ROS1: variants seen among roughly 807,000 people sequenced by gnomAD.
The protein encoded by ROS1 is ROS proto-oncogene 1, receptor tyrosine kinase.
Under a neutral mutation model 273.5 loss-of-function variants are expected in ROS1, and 263 were observed. The observed-to-expected ratio is 0.96, with a 90% confidence interval of 0.87 to 1.06. The LOEUF is 1.06. Among genes scored for constraint, ROS1 ranks in the 50% least tolerant of loss-of-function variants. The pLI is 0.00. For synonymous variants in ROS1, 1,008 were observed against 954.1 expected (o/e 1.06, Z -1.04); for missense variants, 2,833 against 2,751.1 (o/e 1.03, Z -0.67).
At chr6:117,337,704 G>A (rs1376276741) in intron 31 of ROS1, among the ~76,000 whole-genome samples, 5 of 152,162 alleles carry the variant, frequency 3.3e-5, no homozygotes, top group African/African-American at 1.2e-4. Flanking sequence ...GACAATGATG[G>A]ATCAAAACAA....
At chr6:117,404,005 G>A (rs34258179) in intron 6 of ROS1, among the ~76,000 whole-genome samples, 8,977 of 152,272 alleles carry the variant, frequency 0.059, 321 homozygotes, top group Middle Eastern at 0.092. Flanking sequence ...GGGAGGCCGA[G>A]GCGGGCGGAT....
At position 117,341,492 on chromosome 6, in the gene ROS1, G is replaced by A. The variant is rs1408672277; in HGVS notation, c.4792C>T (p.Pro1598Ser). The change falls in exon 30 of 44, where the codon CCT (proline) becomes TCT (serine). Residue 1598 changes from proline to serine, a missense_variant. By Grantham distance (74) the Pro-to-Ser change is moderately conservative (BLOSUM62 -1). Coordinates refer to ENST00000368507, the MANE Select transcript of ROS1 (RefSeq NM_001378902.1). ...QLAISHLALI[P>S]ETPLRQSEFP... The stretch of plus-strand genomic sequence containing the variant: ...TCACTTTGTCTTAGAGGAGTTTCAG[G>A]AATTAGGGCCAGGTGTGAGATTGCC... 1.2e-6 allele frequency: 2 copies of A among 1,613,738 alleles called. No individual in the cohort carries two copies. Among genetic ancestry groups the A allele is most frequent in the Admixed American group, 1.7e-5 (1 of 59,970 alleles).
chr6:117,311,767 G>A (rs1457126091), intron 39 of ROS1, among the ~76,000 whole-genome samples: 2 of 152,080 alleles, frequency 1.3e-5, no homozygotes, highest in African/African-American at 4.8e-5. Context: ...ACTTGAGCCT[G>A]TACTGGTTGC....
At chr6:117,401,403 G>A (rs1773919554) in intron 7 of ROS1, among the ~76,000 whole-genome samples, 1 of 152,168 alleles carries the variant, frequency 6.6e-6, no homozygotes, top group South Asian at 2.1e-4. Context: ...ATGGCCCTGT[G>A]CGACCAAGTC....
chr6:117,373,552 G>A (rs1353415850), intron 18 of ROS1, among the ~76,000 whole-genome samples: 1 of 152,228 alleles, frequency 6.6e-6, no homozygotes, highest in East Asian at 1.9e-4. Context: ...ACTGCCCGGG[G>A]CTGGTGGCAC....
At chr6:117,292,152 A>G (rs1306574166) in intron 43 of ROS1, among the ~76,000 whole-genome samples, 1 of 151,826 alleles carries the variant, frequency 6.6e-6, no homozygotes, top group Non-Finnish European at 1.5e-5. Context: ...TCTATTTTTT[A>G]GTAGAGACGC....
At chr6:117,300,885 C>T in intron 43 of ROS1, 89 bp downstream of exon 43, 2 of 1,032,110 alleles carry the variant, frequency 1.9e-6, no homozygotes, top group Non-Finnish European at 2.7e-6. Flanking sequence ...TTTTGCCTAC[C>T]CCAAAATGCT....
At chr6:117,393,736 A>C (rs902321442) in intron 11 of ROS1, among the ~76,000 whole-genome samples, 12 of 152,108 alleles carry the variant, frequency 7.9e-5, no homozygotes, top group African/African-American at 2.7e-4. Context: ...ACCAACAACA[A>C]CAACAAAAAA....
chr6:117,303,477 T>C (rs1219018863), intron 42 of ROS1, among the ~76,000 whole-genome samples: 1 of 151,918 alleles, frequency 6.6e-6, no homozygotes, highest in African/African-American at 2.4e-5. Flanking sequence ...GAACTACAAG[T>C]GGGGAAAGCA....
At chr6:117,320,461 T>C (rs1776215622) in intron 36 of ROS1, among the ~76,000 whole-genome samples, 1 of 152,096 alleles carries the variant, frequency 6.6e-6, no homozygotes, top group Non-Finnish European at 1.5e-5. Flanking sequence ...TAAAACAAAA[T>C]TTACTATGAC....
chr6:117,297,122 A>T (rs185042330), intron 43 of ROS1, among the ~76,000 whole-genome samples: 1 of 152,296 alleles, frequency 6.6e-6, no homozygotes, highest in Non-Finnish European at 1.5e-5. Context: ...TACTGGGGAG[A>T]AAAACACCCC....
At chr6:117,393,144 T>C (rs777693475) in intron 12 of ROS1, 80 bp downstream of exon 12, 9 of 861,640 alleles carry the variant, frequency 1.0e-5, no homozygotes, top group Non-Finnish European at 1.8e-5. Flanking sequence ...GGTACTACAA[T>C]GTTTCATTAG....
chr6:117,341,678 G>A (rs772769541), intron 29 of ROS1, 46 bp from the exon 30 acceptor site: 1 of 1,392,892 alleles, frequency 7.2e-7, no homozygotes, highest in Non-Finnish European at 1.0e-6. Context: ...CAATAGCACT[G>A]AAAGATGGAA....
chr6:117,419,414 C>T (rs190181715), intron 1 of ROS1, among the ~76,000 whole-genome samples: 6 of 152,228 alleles, frequency 3.9e-5, no homozygotes, highest in African/African-American at 1.4e-4. Flanking sequence ...ACAAATGTTG[C>T]CTGTTTTTTT....
chr6:117,332,156 A>C (rs981364058), intron 32 of ROS1, among the ~76,000 whole-genome samples: 1 of 151,486 alleles, frequency 6.6e-6, no homozygotes, highest in African/African-American at 2.4e-5. Flanking sequence ...TTTACCAAGC[A>C]TATGGAAAGC....
chr6:117,287,493 G>A lies in ROS1; in HGVS notation c.*999C>T, dbSNP rs1773523369. Among the ~76,000 whole-genome samples, 1 of 152,198 alleles carries A rather than the reference G, an allele frequency of 6.6e-6. No homozygotes were observed. Among genetic ancestry groups the A allele is most frequent in the Non-Finnish European group, 1.5e-5 (1 of 68,044 alleles). Reference sequence around the variant, plus strand: ...TTTCCATAATAGCACACAAGTCAGAGTGATTTTATACAACTGAAGATTACA... The same window carrying A: ...TTTCCATAATAGCACACAAGTCAGAATGATTTTATACAACTGAAGATTACA... On this transcript the variant is annotated 3_prime_UTR_variant, in exon 44 of 44. Transcript: ENST00000368507.
At position 117,288,355 on chromosome 6, in the gene ROS1, G is replaced by T; in HGVS notation, c.*137C>A. On this transcript the variant is annotated 3_prime_UTR_variant, in exon 44 of 44. Transcript: ENST00000368507. ...GAAACCAAATGGCTCTCAGAACCAA[G>T]ATTAGAAATCAGGAACGTTGCATTG... is the stretch of plus-strand genomic sequence containing the variant. The T allele has an allele frequency of 1.2e-6, 1 of 832,980 alleles. No homozygotes were observed. Among genetic ancestry groups the T allele is most frequent in the Non-Finnish European group, 1.8e-6 (1 of 544,060 alleles). 51.6% of individuals were successfully genotyped at this position (832,980 alleles called of 1,614,324 possible).
intron 1 of ROS1, among the ~76,000 whole-genome samples, chr6:117,420,124 G>A (rs1775640303): frequency 6.6e-6 from 1 of 151,964 alleles, no homozygotes; most frequent in Non-Finnish European, 1.5e-5. Context: ...TGGGGCACAG[G>A]GAAGTTTAGT....
intron 43 of ROS1, among the ~76,000 whole-genome samples, chr6:117,292,217 G>A (rs561959220): frequency 5.5e-4 from 84 of 152,028 alleles, no homozygotes; most frequent in Non-Finnish European, 8.2e-4. Flanking sequence ...TGATCTGCCC[G>A]CCTTGGCCTC....
Sources: gnomAD v4.1 joint callset for allele counts (sites outside exome capture counted in the v4.1 genomes callset) on GRCh38, gnomAD v4.1.1 for gene constraint, MANE v1.5 for transcripts, NCBI Gene and HGNC (gene_info 2026-07-23, HGNC 2026-07-21) for gene names.